The following FBN1 variants were observed in gnomAD, a reference collection of about 807,000 sequenced individuals.
FBN1 encodes fibrillin-1.
A neutral mutation model predicts 365.1 loss-of-function variants in FBN1; 29 were observed. That is an observed-to-expected ratio of 0.08 (90% CI 0.06 to 0.11). FBN1 has a LOEUF of 0.11. FBN1 is among the 10% of genes least tolerant of loss of function. The pLI, the probability that FBN1 is intolerant of heterozygous loss-of-function variation, is 1.00. For synonymous variants in FBN1, 1,210 were observed against 1,270.5 expected, an observed-to-expected ratio of 0.95 and a Z score of 1.01; for missense variants, 2,476 against 3,703.2, an observed-to-expected ratio of 0.67 and a Z score of 8.60.
intron 6 of FBN1, among the ~76,000 whole-genome samples, chr15:48,583,961 G>A (rs2044416529): frequency 6.6e-6 from 1 of 152,100 alleles, no homozygotes; most frequent in Non-Finnish European, 1.5e-5. Flanking sequence ...CAAAAAATAC[G>A]CTGTTCAAGT....
At chr15:48,452,964 A>T (rs2048498587) in intron 44 of FBN1, among the ~76,000 whole-genome samples, 1 of 152,222 alleles carries the variant, frequency 6.6e-6, no homozygotes, top group Non-Finnish European at 1.5e-5. Flanking sequence ...ACATGGAAGA[A>T]AATTAAATAT....
At chr15:48,460,215 A>G in intron 43 of FBN1, 31 bp downstream of exon 43, 1 of 1,579,094 alleles carries the variant, frequency 6.3e-7, no homozygotes. Flanking sequence ...GCAAAAAACC[A>G]GAAAGTTCTG....
rs762659907 is a variant in FBN1, at chr15:48,437,378, C to T, written c.6323G>A (p.Arg2108His). 6.8e-6 allele frequency: 11 copies of T among 1,612,878 alleles called. No homozygotes were observed. The highest frequency in any genetic ancestry group is 9.3e-6 in the Non-Finnish European group (11 of 1,179,216). Residue 2108 changes from arginine to histidine, a missense_variant, in exon 52 of 66, where the codon CGC becomes CAC. By Grantham distance (29) the Arg-to-His change is conservative. This residue lies in a region of FBN1 where 1,780 missense variants were observed against 2,840.8 expected (regional missense o/e 0.63). Coordinates refer to ENST00000316623, the MANE Select transcript of FBN1 (RefSeq NM_000138.5). ...CCCACTTCCATAAGGACATATCTGG[C>T]GGAAGGCCTCTGTGGTGGAGACACT... ...LCPTEPDEAF[R>H]QICPYGSGII...
chr15:48,539,354 C>T (rs1174523448), intron 6 of FBN1, among the ~76,000 whole-genome samples: 1 of 152,176 alleles, frequency 6.6e-6, no homozygotes, highest in Non-Finnish European at 1.5e-5. Flanking sequence ...AAGAAGACTA[C>T]CATATCCAAG....
chr15:48,513,826 G>A (rs2043780518), intron 12 of FBN1, among the ~76,000 whole-genome samples, 158 bp from the exon 13 acceptor site: 1 of 152,118 alleles, frequency 6.6e-6, no homozygotes, highest in African/African-American at 2.4e-5. Context: ...TATGTCATTA[G>A]CCATTTGAAG....
intron 45 of FBN1, 101 bp from the exon 46 acceptor site, chr15:48,448,994 T>G: frequency 2.1e-6 from 2 of 964,538 alleles, no homozygotes; most frequent in Non-Finnish European, 3.3e-6. Flanking sequence ...AGCTCTAAAC[T>G]AAGTTAGTGA....
In FBN1 at chr15:48,520,720, G is replaced by A. The variant is rs1338617046; in HGVS notation, c.1086C>T (p.Ala362=). 9 of 1,614,010 alleles carry A rather than the reference G, an allele frequency of 5.6e-6. No homozygotes were observed. Among genetic ancestry groups the A allele is most frequent in the African/African-American group, 2.7e-5 (2 of 74,904 alleles). Residue 362 remains alanine, a synonymous_variant, in exon 10 of 66, where the codon GCC becomes GCT. Coordinates refer to ENST00000316623, the MANE Select transcript of FBN1 (RefSeq NM_000138.5). ...SITKMQCCCD[A]GRCWSPGVTV... ...TGACCCCTGGAGACCAGCATCGGCC[G>A]GCATCACAGCAGCACTGCATTTTGG...
At position 48,484,009 on chromosome 15, in the gene FBN1, T is replaced by G; in HGVS notation, c.3713-66A>C. 2.6e-6 allele frequency: 4 copies of G among 1,530,600 alleles called. No individual in the cohort carries two copies. In the Middle Eastern group the frequency reaches 5.1e-4, roughly 194 times the overall value. 94.8% of individuals were successfully genotyped at this position (1,530,600 alleles called of 1,614,324 possible). ...GGTTCCACTGTTCAGTGAGAAAACA[T>G]TAACTGACCGCAGTCAAATAAACTT... On this transcript the variant is annotated intron_variant, in intron 30 of 65. Transcript: ENST00000316623.
At chr15:48,637,064 G>C (rs922535733) in intron 2 of FBN1, among the ~76,000 whole-genome samples, 1 of 152,144 alleles carries the variant, frequency 6.6e-6, no homozygotes, top group Admixed American at 6.5e-5. Flanking sequence ...GAGCATTCTA[G>C]GTCCTCCTCG....
At chr15:48,452,497 A>G (rs2043208564) in intron 45 of FBN1, 65 bp downstream of exon 45, 5 of 1,583,696 alleles carry the variant, frequency 3.2e-6, no homozygotes, top group Non-Finnish European at 8.7e-7. Flanking sequence ...ATAAATCCAG[A>G]TATCTGAAGC....
At chr15:48,613,181 A>C (rs1276335231) in intron 2 of FBN1, 89 bp from the exon 3 acceptor site, 3 of 1,006,916 alleles carry the variant, frequency 3.0e-6, no homozygotes, top group Non-Finnish European at 3.1e-6. Flanking sequence ...TTCCTGAGTT[A>C]TAAAAGCAAG....
At chr15:48,426,470 C>T (rs1180885016) in intron 58 of FBN1, among the ~76,000 whole-genome samples, 1 of 152,060 alleles carries the variant, frequency 6.6e-6, no homozygotes, top group Non-Finnish European at 1.5e-5. Context: ...GTTTTTGCAG[C>T]CTGCTAAGGA....
In FBN1 at chr15:48,489,924, C is replaced by G. The variant is rs1197780679; in HGVS notation, c.3009G>C (p.Glu1003Asp). The change falls in exon 25 of 66, where the codon GAG (glutamate) becomes GAC (aspartate). Residue 1003 changes from glutamate to aspartate, a missense_variant. Transcript: ENST00000316623. ...CEECPMRNTPEYEELCPRGPG... is the reference protein window; with the variant it reads ...CEECPMRNTPDYEELCPRGPG... ...GTCCTCTCGGACACAGCTCCTCGTACTCAGGAGTATTTCTCATGGGACACT... is the reference window on the plus strand; with the variant it reads ...GTCCTCTCGGACACAGCTCCTCGTAGTCAGGAGTATTTCTCATGGGACACT... 3 of 1,614,062 alleles carry G rather than the reference C, an allele frequency of 1.9e-6. No homozygotes were observed. In the Admixed American group the frequency reaches 5.0e-5, roughly 27 times the overall value.
chr15:48,623,403 T>C (rs969563396), intron 2 of FBN1, among the ~76,000 whole-genome samples: 4 of 152,264 alleles, frequency 2.6e-5, no homozygotes, highest in African/African-American at 9.6e-5. Context: ...TGTCATTAAC[T>C]TATTCTGATC....
chr15:48,434,540 A>T, intron 54 of FBN1, 54 bp downstream of exon 54: 1 of 1,609,420 alleles, frequency 6.2e-7, no homozygotes, highest in Non-Finnish European at 8.5e-7. Flanking sequence ...TAATCAACCA[A>T]TTGTTCCCAG....
chr15:48,599,417 A>T (rs2044543219), intron 5 of FBN1, among the ~76,000 whole-genome samples: 1 of 152,186 alleles, frequency 6.6e-6, no homozygotes, highest in Non-Finnish European at 1.5e-5. Flanking sequence ...TCATGTACCA[A>T]ATATGCATTA....
intron 6 of FBN1, among the ~76,000 whole-genome samples, chr15:48,594,368 G>T (rs2044501781): frequency 1.3e-5 from 2 of 152,246 alleles, no homozygotes; most frequent in South Asian, 4.1e-4. Context: ...TACCACAAAT[G>T]CCTGAAAATC....
intron 41 of FBN1, 83 bp from the exon 42 acceptor site, chr15:48,463,323 C>G: frequency 7.7e-7 from 1 of 1,305,096 alleles, no homozygotes. Context: ...GGATACTCAA[C>G]AAGCAAGTTT....
intron 6 of FBN1, among the ~76,000 whole-genome samples, chr15:48,588,617 T>C (rs1323542515): frequency 2.0e-5 from 3 of 152,234 alleles, no homozygotes; most frequent in East Asian, 1.9e-4. Context: ...AAATTTCAAT[T>C]GAACCACCAA....
Sources: gnomAD v4.1 joint callset for allele counts (sites outside exome capture counted in the v4.1 genomes callset) on GRCh38, gnomAD v4.1.1 for gene constraint, gnomAD v4.1.1 regional missense constraint, MANE v1.5 for transcripts, NCBI Gene and HGNC (gene_info 2026-07-23, HGNC 2026-07-21) for gene names.